Variants in GTF3C3 observed in about 807,000 individuals in gnomAD.
GTF3C3 encodes general transcription factor IIIC subunit 3, also known as general transcription factor 3C polypeptide 3.
In GTF3C3, 75 loss-of-function variants were observed where a neutral mutation model predicts 105.2. The observed-to-expected ratio is 0.71, with a 90% CI of 0.59 to 0.86. The LOEUF (loss-of-function observed/expected upper bound fraction) is 0.86, where lower values mean the gene tolerates loss of function less well. Ranked by LOEUF, GTF3C3 falls within the 40% of genes least tolerant of loss-of-function variation. The pLI, the probability that GTF3C3 is intolerant of heterozygous loss-of-function variation, is 0.00. For missense variants in GTF3C3, 856 were observed against 1,076.5 expected, an observed-to-expected ratio of 0.80 and a Z score of 2.87; for synonymous variants, 335 against 370.4, an observed-to-expected ratio of 0.90 and a Z score of 1.10.
At chr2:196,774,079 A>G (rs1164692737) in intron 13 of GTF3C3, among the ~76,000 whole-genome samples, 1 of 152,226 alleles carries the variant, frequency 6.6e-6, no homozygotes, top group East Asian at 1.9e-4. Flanking sequence ...TCTGATCTCA[A>G]GTCTCTTTAA....
intron 16 of GTF3C3, among the ~76,000 whole-genome samples, chr2:196,769,364 G>A (rs1699129560): frequency 1.3e-5 from 2 of 152,144 alleles, no homozygotes; most frequent in Non-Finnish European, 2.9e-5. Flanking sequence ...CAAAAATGAA[G>A]TCACAGAAAT....
chr2:196,777,325 T>C (rs1441600108), intron 10 of GTF3C3, among the ~76,000 whole-genome samples: 2 of 152,266 alleles, frequency 1.3e-5, no homozygotes, highest in Admixed American at 6.5e-5. Context: ...TGATCCCCAA[T>C]AGAAACTACC....
At chr2:196,766,975 C>A (rs1699079713) in intron 16 of GTF3C3, 2 of 273,910 alleles carry the variant, frequency 7.3e-6, no homozygotes, top group African/African-American at 2.2e-5. Context: ...ACCAGAGATT[C>A]ATAATCTACA....
At chr2:196,775,928 AAGT>A in intron 12 of GTF3C3, 79 bp downstream of exon 12, 1 of 580,804 alleles carries the variant, frequency 1.7e-6, no homozygotes, top group Non-Finnish European at 2.9e-6. Context: ...AACAATTATA[AAGT>A]AGTATAATCT....
At chr2:196,770,651 G>T (rs1230459839) in intron 15 of GTF3C3, among the ~76,000 whole-genome samples, 1 of 151,964 alleles carries the variant, frequency 6.6e-6, no homozygotes, top group African/African-American at 2.4e-5. Flanking sequence ...ATGCAGTAGG[G>T]GTATTTAAGC....
chr2:196,785,343 C>A (rs530791965), intron 7 of GTF3C3, 98 bp downstream of exon 7: 1 of 824,342 alleles, frequency 1.2e-6, no homozygotes, highest in Non-Finnish European at 1.9e-6. Flanking sequence ...TAAATATATA[C>A]ATAATTTAAC....
At chr2:196,767,644 A>G (rs1699090952) in intron 16 of GTF3C3, among the ~76,000 whole-genome samples, 2 of 152,210 alleles carry the variant, frequency 1.3e-5, no homozygotes, top group African/African-American at 4.8e-5. Flanking sequence ...TTTCTGCATA[A>G]TAAAATAACC....
chr2:196,789,232 A>T lies in GTF3C3; in HGVS notation c.865T>A (p.Phe289Ile). The part of the protein sequence containing the change: ...NLLSPSDGER[F>I]MQLARDMAKS... Reference sequence around the variant, plus strand: ...GCCATATCTCTAGCCAGCTGCATAAAACGTTCGCCATCAGATGGAGACAAA... The same window carrying T: ...GCCATATCTCTAGCCAGCTGCATAATACGTTCGCCATCAGATGGAGACAAA... The change falls in exon 6 of 18, where the codon TTT becomes ATT. Residue 289 changes from phenylalanine (F) to isoleucine (I), a missense_variant. By Grantham distance (21) the Phe-to-Ile change is conservative. Around this residue, in one of 3 missense-constraint regions of GTF3C3, gnomAD observed 605 missense variants for 833.6 expected, o/e 0.73. Coordinates refer to ENST00000263956, the MANE Select transcript of GTF3C3 (RefSeq NM_012086.5). 6.2e-7 allele frequency: 1 copy of T among 1,611,066 alleles called. No homozygotes were observed. Among genetic ancestry groups the T allele is most frequent in the Non-Finnish European group, 8.5e-7 (1 of 1,179,154 alleles).
At chr2:196,782,849 G>T (rs1479988626) in intron 8 of GTF3C3, among the ~76,000 whole-genome samples, 1 of 152,084 alleles carries the variant, frequency 6.6e-6, no homozygotes, top group East Asian at 1.9e-4. Flanking sequence ...CAATGCTAAG[G>T]AAAGCAGTAT....
At chr2:196,770,981 T>C (rs775915399) in intron 15 of GTF3C3, among the ~76,000 whole-genome samples, 5 of 152,162 alleles carry the variant, frequency 3.3e-5, no homozygotes, top group Admixed American at 6.5e-5. Flanking sequence ...ACGTATCAAA[T>C]AGCCAAAAAC....
At chr2:196,767,668 A>G (rs1256128214) in intron 16 of GTF3C3, among the ~76,000 whole-genome samples, 3 of 152,232 alleles carry the variant, frequency 2.0e-5, no homozygotes, top group East Asian at 1.9e-4. Context: ...TTGTGTGACT[A>G]TGACCTCTAT....
chr2:196,781,351 A>ATATATATATAT (rs1417892028), intron 8 of GTF3C3, among the ~76,000 whole-genome samples: 43 of 20,496 alleles, frequency 2.1e-3, no homozygotes, highest in East Asian at 9.7e-3. Flanking sequence ...GGAAAAAAAA[A>ATATATATATAT]AAAAAAATAT....
intron 17 of GTF3C3, among the ~76,000 whole-genome samples, chr2:196,765,612 GA>G (rs1408707051): frequency 6.7e-6 from 1 of 149,594 alleles, no homozygotes. Flanking sequence ...TAATATGTAT[GA>G]AATACATATA....
At chr2:196,788,239 A>C (rs1339552107) in intron 6 of GTF3C3, among the ~76,000 whole-genome samples, 1 of 152,250 alleles carries the variant, frequency 6.6e-6, no homozygotes, top group Admixed American at 6.5e-5. Flanking sequence ...TTCACAGCTA[A>C]GCATCATTGT....
intron 2 of GTF3C3, among the ~76,000 whole-genome samples, chr2:196,796,646 C>G (rs1203167522): frequency 6.6e-6 from 1 of 152,174 alleles, no homozygotes; most frequent in Non-Finnish European, 1.5e-5. Context: ...GCTGTTCTTC[C>G]TGATGCTCTC....
chr2:196,774,235 T>G (rs62185600), intron 13 of GTF3C3, among the ~76,000 whole-genome samples: 18,266 of 152,244 alleles, frequency 0.12, 1,139 homozygotes, highest in Non-Finnish European at 0.14. Flanking sequence ...TGGACAAATC[T>G]GTATGTATGA....
At chr2:196,790,531 TG>T (rs1699528995) in intron 4 of GTF3C3, among the ~76,000 whole-genome samples, 3 of 152,342 alleles carry the variant, frequency 2.0e-5, no homozygotes, top group Admixed American at 2.0e-4. Flanking sequence ...TCTACATTTC[TG>T]AAATACTGTT....
At chr2:196,799,159 A>G (rs1309063585) in intron 1 of GTF3C3, 4 of 209,630 alleles carry the variant, frequency 1.9e-5, no homozygotes, top group Non-Finnish European at 3.8e-5. Context: ...ACCCACCGTC[A>G]CAAAACGACT....
chr2:196,768,071 G>C (rs1053923750), intron 16 of GTF3C3, among the ~76,000 whole-genome samples: 3 of 152,214 alleles, frequency 2.0e-5, no homozygotes, highest in Admixed American at 2.0e-4. Flanking sequence ...ACACAGGAGT[G>C]CAGTGGTGTG....
Sources: allele counts gnomAD v4.1 joint callset (sites outside exome capture counted in the v4.1 genomes callset), GRCh38; gene constraint gnomAD v4.1.1; regional missense constraint gnomAD v4.1.1; transcripts MANE v1.5; gene names NCBI Gene and HGNC (gene_info 2026-07-23, HGNC 2026-07-21).